The following DENND2C variants were observed in gnomAD, a reference collection of about 807,000 sequenced individuals.
The protein encoded by DENND2C is DENN domain-containing protein 2C.
A neutral mutation model predicts 112.4 loss-of-function variants in DENND2C; 72 were observed. The observed-to-expected ratio is 0.64, with a 90% CI of 0.53 to 0.78. DENND2C has a LOEUF of 0.78. DENND2C is among the 30% of genes least tolerant of loss of function. The pLI is 0.00. For synonymous variants in DENND2C, 329 were observed against 381.6 expected (o/e 0.86, Z 1.61); for missense variants, 992 against 1,113.8 (o/e 0.89, Z 1.56).
At chr1:114,612,012 G>A (rs898035180) in intron 8 of DENND2C, among the ~76,000 whole-genome samples, 4 of 152,022 alleles carry the variant, frequency 2.6e-5, no homozygotes, top group Admixed American at 1.3e-4. Context: ...TAAACACATT[G>A]CAGACACAAG....
chr1:114,600,170 C>A (rs1230010014), intron 15 of DENND2C, 34 bp downstream of exon 15: 1 of 1,581,206 alleles, frequency 6.3e-7, no homozygotes. Flanking sequence ...AATAAAACAC[C>A]AGTGTGAAGT....
intron 16 of DENND2C, 141 bp from the exon 17 acceptor site, chr1:114,596,014 G>C: frequency 1.4e-6 from 1 of 706,720 alleles, no homozygotes; most frequent in Non-Finnish European, 2.5e-6. Flanking sequence ...AAAATAAATT[G>C]CAAGTAAAAG....
chr1:114,610,247 A>G (rs971397445), intron 9 of DENND2C, among the ~76,000 whole-genome samples: 3 of 152,232 alleles, frequency 2.0e-5, no homozygotes, highest in African/African-American at 7.2e-5. Flanking sequence ...TGCTTGGACA[A>G]AGAGAGTCAG....
chr1:114,646,692 T>C (rs1051561153), intron 2 of DENND2C, among the ~76,000 whole-genome samples: 2 of 152,220 alleles, frequency 1.3e-5, no homozygotes, highest in Admixed American at 1.3e-4. Context: ...TATTAAATAT[T>C]TAGAAAAGCT....
intron 3 of DENND2C, among the ~76,000 whole-genome samples, chr1:114,639,126 C>A (rs1010636986): frequency 2.0e-5 from 3 of 151,998 alleles, no homozygotes; most frequent in African/African-American, 7.2e-5. Flanking sequence ...AATTAAAACA[C>A]AAGATTCTAA....
intron 3 of DENND2C, among the ~76,000 whole-genome samples, chr1:114,638,074 G>A (rs1215452804): frequency 1.3e-5 from 2 of 152,266 alleles, no homozygotes; most frequent in East Asian, 3.9e-4. Flanking sequence ...TCACAACAAT[G>A]TATATTAGTT....
At chr1:114,616,112 AGGTAT>A (rs915627989) in intron 8 of DENND2C, among the ~76,000 whole-genome samples, 1 of 151,602 alleles carries the variant, frequency 6.6e-6, no homozygotes, top group Non-Finnish European at 1.5e-5. Context: ...AATTCTGGCC[AGGTAT>A]GGTGGCTCAT....
Position 114,583,659 on chromosome 1 carries a change from T to C in DENND2C, c.*1941A>G, listed in dbSNP as rs1654962906. The C allele has an allele frequency of 6.6e-6, 1 of 151,870 alleles. No individual in the cohort carries two copies. The highest frequency in any genetic ancestry group is 1.5e-5 in the Non-Finnish European group (1 of 67,984). 9.4% of individuals were successfully genotyped at this position (151,870 alleles called of 1,614,324 possible). ...CCCGTCTCCACTAAAAGTACAAAAT[T>C]AGCCAGGTGTGGTGGCGGGTGCCTA... On this transcript the variant is annotated 3_prime_UTR_variant, in exon 21 of 21. Transcript: ENST00000393274.
chr1:114,648,994 G>A (rs1429333085), intron 2 of DENND2C, among the ~76,000 whole-genome samples: 6 of 147,936 alleles, frequency 4.1e-5, no homozygotes, highest in Non-Finnish European at 5.9e-5. Flanking sequence ...CACTCTTGTC[G>A]CCCAGGCTAG....
chr1:114,639,449 G>A (rs1321285356), intron 3 of DENND2C, among the ~76,000 whole-genome samples: 1 of 151,738 alleles, frequency 6.6e-6, no homozygotes, highest in Non-Finnish European at 1.5e-5. Flanking sequence ...ACTGGTGGTG[G>A]GTGCCTGTAA....
chr1:114,622,217 G>T (rs1656186498), intron 6 of DENND2C, among the ~76,000 whole-genome samples, 152 bp from the exon 7 acceptor site: 1 of 152,178 alleles, frequency 6.6e-6, no homozygotes, highest in African/African-American at 2.4e-5. Context: ...GAGCTCAAGT[G>T]ATCCCCCCAC....
Position 114,585,511 on chromosome 1 carries a change from G to T in DENND2C, c.*89C>A. On this transcript the variant is annotated 3_prime_UTR_variant, in exon 21 of 21. Transcript: ENST00000393274. ...AACCTTTTAAAATTTCAAGAATTTT[G>T]TAGAATACTTCATGGGATCCTGACC... is the stretch of plus-strand genomic sequence containing the variant. 2 of 1,420,896 alleles carry T rather than the reference G, an allele frequency of 1.4e-6. No individual in the cohort carries two copies. Among genetic ancestry groups the T allele is most frequent in the South Asian group, 1.2e-5 (1 of 83,722 alleles). The allele number at this position is 1,420,896 out of a possible 1,614,324, so 88.0% of individuals were successfully genotyped here. A position where few individuals can be genotyped will look rare whatever the true frequency, so the allele number is the denominator to read the frequency against.
intron 2 of DENND2C, among the ~76,000 whole-genome samples, chr1:114,646,036 C>G (rs1353469866): frequency 6.6e-6 from 1 of 151,988 alleles, no homozygotes; most frequent in African/African-American, 2.4e-5. Flanking sequence ...ACGCCATTCT[C>G]CTGCCTCAGC....
intron 14 of DENND2C, 107 bp from the exon 15 acceptor site, chr1:114,600,459 T>C (rs1249964391): frequency 2.8e-6 from 4 of 1,430,992 alleles, no homozygotes; most frequent in Non-Finnish European, 3.8e-6. Flanking sequence ...AAGAAAGGTC[T>C]GCTACACGGG....
chr1:114,665,508 C>T (rs1657624168), intron 1 of DENND2C, among the ~76,000 whole-genome samples: 1 of 152,176 alleles, frequency 6.6e-6, no homozygotes, highest in South Asian at 2.1e-4. Context: ...AGTATGTGCT[C>T]AGTACCCTCC....
intron 3 of DENND2C, among the ~76,000 whole-genome samples, chr1:114,641,649 CAGA>C (rs767745229): frequency 4.5e-4 from 69 of 152,100 alleles, no homozygotes; most frequent in Non-Finnish European, 7.9e-4. Context: ...GAGGCCTCAC[CAGA>C]AGAAGATGCT....
intron 10 of DENND2C, among the ~76,000 whole-genome samples, chr1:114,606,863 T>C (rs750071586): frequency 3.3e-5 from 5 of 151,996 alleles, no homozygotes; most frequent in Admixed American, 6.6e-5. Flanking sequence ...CGACTAGGGG[T>C]TGGGAAGTTA....
At position 114,587,885 on chromosome 1, in the gene DENND2C, A is replaced by G; in HGVS notation, c.2499T>C (p.Tyr833=). The G allele has an allele frequency of 1.2e-6, 2 of 1,614,208 alleles. No individual in the cohort carries two copies. The highest frequency in any genetic ancestry group is 1.7e-6 in the Non-Finnish European group (2 of 1,180,036). The change falls in exon 19 of 21, where the codon TAT becomes TAC. Residue 833 remains tyrosine, a synonymous_variant. Coordinates refer to ENST00000393274, the MANE Select transcript of DENND2C (RefSeq NM_001256404.2). ...VRFFVELVGH[Y]SLNMTVTERG... The stretch of plus-strand genomic sequence containing the variant: ...GCTCAGTGACAGTCATGTTCAAAGA[A>G]TAATGTCCTACCAACTCCACAAAAA...
At position 114,626,052 on chromosome 1, in the gene DENND2C, T is replaced by A; in HGVS notation, c.-68A>T. Reference sequence around the variant, plus strand: ...TTCCATTACAAGTAAATGTGAAATATTGTATTCTTTATCCTGTCAGAATCC... The same window carrying A: ...TTCCATTACAAGTAAATGTGAAATAATGTATTCTTTATCCTGTCAGAATCC... On this transcript the variant is annotated 5_prime_UTR_variant, in exon 4 of 21. Transcript: ENST00000393274. 7.2e-7 allele frequency: 1 copy of A among 1,392,030 alleles called. No homozygotes were observed. The highest frequency in any genetic ancestry group is 9.8e-7 in the Non-Finnish European group (1 of 1,018,884). The allele number at this position is 1,392,030 out of a possible 1,614,324, so 86.2% of individuals were successfully genotyped here.
Sources: allele counts gnomAD v4.1 joint callset (sites outside exome capture counted in the v4.1 genomes callset), GRCh38; gene constraint gnomAD v4.1.1; transcripts MANE v1.5; gene names NCBI Gene and HGNC (gene_info 2026-07-23, HGNC 2026-07-21).